FSTL5: variants seen among roughly 807,000 people sequenced by gnomAD.
The protein encoded by FSTL5 is follistatin-related protein 5.
A neutral mutation model predicts 89.1 loss-of-function variants in FSTL5; 62 were observed. The observed-to-expected ratio is 0.70, with a 90% CI of 0.57 to 0.86. The LOEUF is 0.86. Ranked by LOEUF, FSTL5 falls within the 40% of genes least tolerant of loss-of-function variation. The pLI is 0.00. For missense variants in FSTL5, 1,057 were observed against 1,001.6 expected (o/e 1.06, Z -0.75); for synonymous variants, 383 against 346.2 (o/e 1.11, Z -1.18).
At chr4:162,044,307 G>A (rs1387392944) in intron 2 of FSTL5, among the ~76,000 whole-genome samples, 1 of 152,142 alleles carries the variant, frequency 6.6e-6, no homozygotes, top group Admixed American at 6.6e-5. Flanking sequence ...AGTGCTTAAG[G>A]GATGACCAGG....
intron 3 of FSTL5, among the ~76,000 whole-genome samples, chr4:161,950,813 A>C (rs961328840): frequency 3.3e-5 from 5 of 152,206 alleles, no homozygotes; most frequent in South Asian, 2.1e-4. Flanking sequence ...ATTTGGAAAG[A>C]GTTGTCAGGT....
chr4:162,047,504 G>A (rs567933801), intron 2 of FSTL5: 1 of 152,106 alleles, frequency 6.6e-6, no homozygotes, highest in South Asian at 2.1e-4. Flanking sequence ...CATGTGAGTA[G>A]AGCCAAACAC....
At chr4:161,786,498 AG>A in intron 4 of FSTL5, among the ~76,000 whole-genome samples, 1 of 152,220 alleles carries the variant, frequency 6.6e-6, no homozygotes, top group South Asian at 2.1e-4. Flanking sequence ...GTTCTGTAAG[AG>A]TCCTATGAGA....
At chr4:162,048,636 A>G (rs574524517) in intron 2 of FSTL5, among the ~76,000 whole-genome samples, 18 of 151,942 alleles carry the variant, frequency 1.2e-4, no homozygotes, top group African/African-American at 4.3e-4. Context: ...CGAATGAGAC[A>G]AATGTGATTG....
At position 161,712,785 on chromosome 4, in the gene FSTL5, CTCTT is replaced by C. The variant is rs1376227090; in HGVS notation, c.727+46622_727+46625del. ...AGAGCTTGACCCCTCACCTCTCTCT[CTCTT>C]TCTGAGTTCACTGGAGATCTCATTG... On this transcript the variant is annotated intron_variant, in intron 6 of 15. Transcript: ENST00000306100. Among the ~76,000 whole-genome samples the C allele has an allele frequency of 5.3e-5, 8 of 150,092 alleles. 1 individual carries two copies. The highest frequency in any genetic ancestry group is 4.2e-4 in the South Asian group (2 of 4,816).
chr4:161,945,240 T>G (rs957963443), intron 3 of FSTL5, among the ~76,000 whole-genome samples: 6 of 152,192 alleles, frequency 3.9e-5, no homozygotes, highest in African/African-American at 9.7e-5. Flanking sequence ...AATCATTTTT[T>G]TGTGTGTGAA....
chr4:161,494,513 T>G (rs1729997675), intron 12 of FSTL5, among the ~76,000 whole-genome samples: 2 of 152,312 alleles, frequency 1.3e-5, no homozygotes, highest in African/African-American at 4.8e-5. Context: ...TGTGGACCAT[T>G]GAGCTTCCCA....
intron 9 of FSTL5, among the ~76,000 whole-genome samples, chr4:161,540,653 T>C (rs1257388448): frequency 6.6e-6 from 1 of 152,118 alleles, no homozygotes; most frequent in African/African-American, 2.4e-5. Flanking sequence ...CCAAGAAATA[T>C]CTCCATCAGT....
chr4:161,845,989 T>C (rs999304745), intron 4 of FSTL5, among the ~76,000 whole-genome samples: 1 of 151,158 alleles, frequency 6.6e-6, no homozygotes, highest in Non-Finnish European at 1.5e-5. Context: ...GAGGTTGCAG[T>C]GAGCTGAGAT....
At chr4:162,150,311 CAT>C (rs749501934) in intron 1 of FSTL5, among the ~76,000 whole-genome samples, 43 of 152,228 alleles carry the variant, frequency 2.8e-4, no homozygotes, top group Non-Finnish European at 4.1e-4. Context: ...CAGAGAGAAA[CAT>C]GTGTGCTTCC....
In FSTL5 at chr4:161,568,672, C is replaced by G. The variant is rs955586933; in HGVS notation, c.1015+18783G>C. Among the ~76,000 whole-genome samples the G allele has an allele frequency of 5.9e-5, 9 of 152,000 alleles. No individual in the cohort carries two copies. In the South Asian group the frequency reaches 1.2e-3, roughly 21 times the overall value. ...TTTGAATTACACAGATCAAGTTTGG[C>G]CTGGTTTAAAAATCAAGGCTAAGGC... On this transcript the variant is annotated intron_variant, in intron 8 of 15. Transcript: ENST00000306100.
chr4:161,489,268 A>G (rs1238665199), intron 12 of FSTL5, among the ~76,000 whole-genome samples: 4 of 152,124 alleles, frequency 2.6e-5, no homozygotes, highest in Admixed American at 2.0e-4. Flanking sequence ...GGGAAGGTCC[A>G]GGGGCCATTA....
At chr4:161,895,259 T>C (rs554805131) in intron 4 of FSTL5, among the ~76,000 whole-genome samples, 237 of 152,324 alleles carry the variant, frequency 1.6e-3, no homozygotes, top group African/African-American at 5.6e-3. Flanking sequence ...ATGCTCTTTC[T>C]ACTGTATAAA....
intron 6 of FSTL5, among the ~76,000 whole-genome samples, chr4:161,740,514 G>C (rs1398990593): frequency 1.3e-5 from 2 of 151,340 alleles, no homozygotes; most frequent in African/African-American, 4.9e-5. Flanking sequence ...GATTCTTCAA[G>C]AACTAAACCC....
intron 7 of FSTL5, among the ~76,000 whole-genome samples, chr4:161,643,785 A>G (rs751286363): frequency 3.9e-5 from 6 of 152,240 alleles, no homozygotes; most frequent in Non-Finnish European, 5.9e-5. Flanking sequence ...TTGATTGCCA[A>G]TAAACATCAG....
At chr4:161,627,444 T>A (rs1381477527) in intron 7 of FSTL5, among the ~76,000 whole-genome samples, 1 of 152,188 alleles carries the variant, frequency 6.6e-6, no homozygotes, top group African/African-American at 2.4e-5. Context: ...ATAGTATAAA[T>A]ATAACTTTTA....
At chr4:161,430,337 T>C (rs935365635) in intron 15 of FSTL5, among the ~76,000 whole-genome samples, 2 of 147,054 alleles carry the variant, frequency 1.4e-5, no homozygotes, top group South Asian at 4.5e-4. Context: ...TTCAAAGTCA[T>C]CAAACAGAGA....
intron 3 of FSTL5, among the ~76,000 whole-genome samples, chr4:161,953,379 C>T (rs758964222): frequency 6.8e-4 from 103 of 151,452 alleles, no homozygotes; most frequent in Non-Finnish European, 1.1e-3. Context: ...ATTTTAATCA[C>T]ATATTCCATT....
rs149098542 is a variant in FSTL5, at chr4:161,503,943, A to G, written c.1340-3809T>C. On this transcript the variant is annotated intron_variant, in intron 11 of 15. Transcript: ENST00000306100. The stretch of plus-strand genomic sequence containing the variant: ...TGTCATTCACATTTTTTCTTGTATT[A>G]TTATTACTTTTAATGTAGGGTTTAG... Among the ~76,000 whole-genome samples the G allele has an allele frequency of 2.2e-4, 33 of 152,018 alleles. No homozygotes were observed. In the East Asian group the frequency reaches 6.2e-3, roughly 29 times the overall value.
Sources: allele counts gnomAD v4.1 joint callset (sites outside exome capture counted in the v4.1 genomes callset), GRCh38; gene constraint gnomAD v4.1.1; transcripts MANE v1.5; gene names NCBI Gene and HGNC (gene_info 2026-07-23, HGNC 2026-07-21).